Variants in SUPT3H observed in about 807,000 individuals in gnomAD.
The protein encoded by SUPT3H is SPT3 homolog, SAGA and STAGA complex component.
A neutral mutation model predicts 44.3 loss-of-function variants in SUPT3H; 44 were observed. That is an observed-to-expected ratio of 0.99 (90% CI 0.78 to 1.28). SUPT3H has a LOEUF of 1.28. SUPT3H is among the 50% of genes most tolerant of loss of function. The pLI is 0.00. For missense variants in SUPT3H, 380 were observed against 387.1 expected (o/e 0.98, Z 0.15); for synonymous variants, 124 against 125.6 (o/e 0.99, Z 0.09).
At chr6:45,021,017 C>G (rs1785054778) in intron 3 of SUPT3H, among the ~76,000 whole-genome samples, 1 of 151,816 alleles carries the variant, frequency 6.6e-6, no homozygotes, top group Admixed American at 6.6e-5. Context: ...TTAATCTGAG[C>G]TCCCATGCTG....
Position 45,217,922 on chromosome 6 carries a change from T to C in SUPT3H, c.102-111916A>G, listed in dbSNP as rs571584888. On this transcript the variant is annotated intron_variant, in intron 2 of 10. Transcript: ENST00000371459. ...AAAGAAAACAAAACAAAAAAACATA[T>C]ATATGAAGCAAGGTGGAATCTGAAA... 2.7e-4 allele frequency among the ~76,000 whole-genome samples: 40 copies of C among 150,692 alleles called. 1 individual carries two copies. The highest frequency in any genetic ancestry group is 1.1e-3 in the Admixed American group (16 of 15,132).
At chr6:45,223,882 T>C (rs1766466524) in intron 2 of SUPT3H, among the ~76,000 whole-genome samples, 1 of 150,994 alleles carries the variant, frequency 6.6e-6, no homozygotes, top group African/African-American at 2.4e-5. Flanking sequence ...AAAACATTAA[T>C]ATAATCTTAA....
At chr6:45,049,449 C>G (rs752424119) in intron 3 of SUPT3H, among the ~76,000 whole-genome samples, 10 of 152,204 alleles carry the variant, frequency 6.6e-5, no homozygotes, top group Non-Finnish European at 1.5e-4. Flanking sequence ...CTCCTTTCCA[C>G]AACTCAACTT....
intron 10 of SUPT3H, among the ~76,000 whole-genome samples, chr6:44,840,597 G>A (rs982239374): frequency 6.6e-6 from 1 of 152,196 alleles, no homozygotes; most frequent in Non-Finnish European, 1.5e-5. Flanking sequence ...TACTTCTAGT[G>A]GGATTTTGTT....
intron 3 of SUPT3H, among the ~76,000 whole-genome samples, chr6:45,038,412 TCACAA>T (rs1788007627): frequency 6.6e-6 from 1 of 152,208 alleles, no homozygotes; most frequent in Non-Finnish European, 1.5e-5. Flanking sequence ...CACCAACAGC[TCACAA>T]TGCCTAATGA....
chr6:45,010,610 G>A lies in SUPT3H; in HGVS notation c.364+4191C>T, dbSNP rs183594379. 4.9e-4 allele frequency among the ~76,000 whole-genome samples: 74 copies of A among 152,270 alleles called. 1 individual carries two copies. In the East Asian group the frequency reaches 0.012, roughly 25 times the overall value. On this transcript the variant is annotated intron_variant, in intron 5 of 10. Coordinates refer to ENST00000371459, the MANE Select transcript of SUPT3H (RefSeq NM_003599.4). ...AAGGTGCCAGTAGATTTAGTGTCTG[G>A]TGAAGGCCTGCTTCATGGCTTACAG...
At chr6:45,251,615 A>G (rs938438977) in intron 2 of SUPT3H, among the ~76,000 whole-genome samples, 3 of 152,202 alleles carry the variant, frequency 2.0e-5, no homozygotes, top group Non-Finnish European at 4.4e-5. Context: ...AAAGATAGGT[A>G]TAACAGAAAA....
chr6:45,266,023 C>A (rs1163358382), intron 2 of SUPT3H, among the ~76,000 whole-genome samples: 1 of 152,044 alleles, frequency 6.6e-6, no homozygotes, highest in East Asian at 1.9e-4. Flanking sequence ...CAAAGATTCT[C>A]ATATTACACA....
At chr6:45,303,723 A>G (rs1584809409) in intron 2 of SUPT3H, among the ~76,000 whole-genome samples, 1 of 151,282 alleles carries the variant, frequency 6.6e-6, no homozygotes, top group Admixed American at 6.6e-5. Flanking sequence ...GGCCGGGCAC[A>G]GTGGCTCATG....
chr6:44,868,918 C>A (rs1775925907), intron 10 of SUPT3H, among the ~76,000 whole-genome samples: 1 of 152,232 alleles, frequency 6.6e-6, no homozygotes, highest in Non-Finnish European at 1.5e-5. Context: ...GCTATGCTAT[C>A]CCAATGGGTG....
intron 2 of SUPT3H, among the ~76,000 whole-genome samples, chr6:45,196,713 G>T (rs1816091607): frequency 6.6e-6 from 1 of 151,738 alleles, no homozygotes; most frequent in East Asian, 1.9e-4. Context: ...ATGCTTTCTG[G>T]ATATCACTAA....
chr6:45,303,553 C>A (rs998975507), intron 2 of SUPT3H, among the ~76,000 whole-genome samples: 1 of 151,744 alleles, frequency 6.6e-6, no homozygotes, highest in Non-Finnish European at 1.5e-5. Flanking sequence ...TTTGAAACAA[C>A]CAATTTGCTT....
At chr6:45,256,297 T>C (rs1266879305) in intron 2 of SUPT3H, among the ~76,000 whole-genome samples, 1 of 152,196 alleles carries the variant, frequency 6.6e-6, no homozygotes, top group Non-Finnish European at 1.5e-5. Context: ...TTTCTCACCA[T>C]TCTGGAGACT....
intron 2 of SUPT3H, among the ~76,000 whole-genome samples, chr6:45,338,287 A>G (rs1168450600): frequency 1.3e-5 from 2 of 152,080 alleles, no homozygotes; most frequent in African/African-American, 4.8e-5. Flanking sequence ...CTTTCACTGC[A>G]GATTGTTCTC....
intron 3 of SUPT3H, among the ~76,000 whole-genome samples, chr6:45,080,785 T>C (rs1795686832): frequency 6.6e-6 from 1 of 151,422 alleles, no homozygotes. Flanking sequence ...AGAAGGGAAA[T>C]GAAGAAGTGG....
chr6:45,144,582 G>A (rs79834335), intron 2 of SUPT3H, among the ~76,000 whole-genome samples: 22 of 152,052 alleles, frequency 1.4e-4, no homozygotes, highest in East Asian at 9.7e-4. Flanking sequence ...GAATTATCCC[G>A]AGAAATGGAA....
chr6:45,112,955 C>T (rs1029604017), intron 2 of SUPT3H, among the ~76,000 whole-genome samples: 6 of 140,922 alleles, frequency 4.3e-5, no homozygotes, highest in African/African-American at 1.5e-4. Flanking sequence ...GTCTTGGGAG[C>T]TAGTCACTTT....
chr6:45,320,124 G>A (rs1049385529), intron 2 of SUPT3H, among the ~76,000 whole-genome samples: 9 of 151,866 alleles, frequency 5.9e-5, no homozygotes, highest in East Asian at 3.9e-4. Context: ...GATCTTTCAC[G>A]TAACAATATT....
intron 3 of SUPT3H, among the ~76,000 whole-genome samples, chr6:45,068,843 T>G (rs1562388688): frequency 6.6e-6 from 1 of 152,104 alleles, no homozygotes; most frequent in Non-Finnish European, 1.5e-5. Flanking sequence ...GCTTTCAAGA[T>G]CATGTGAACA....
Sources: allele counts gnomAD v4.1 joint callset (sites outside exome capture counted in the v4.1 genomes callset), GRCh38; gene constraint gnomAD v4.1.1; transcripts MANE v1.5; gene names NCBI Gene and HGNC (gene_info 2026-07-23, HGNC 2026-07-21).